Variants in ARHGAP12 observed in about 807,000 individuals in gnomAD.
ARHGAP12 encodes the protein rho GTPase-activating protein 12.
In ARHGAP12, 64 loss-of-function variants were observed where a neutral mutation model predicts 108.6. The observed-to-expected ratio is 0.59, with a 90% CI of 0.48 to 0.73. ARHGAP12 has a LOEUF of 0.73. Among genes scored for constraint, ARHGAP12 ranks in the 30% least tolerant of loss-of-function variants. ARHGAP12 has a pLI of 0.00. For missense variants in ARHGAP12, 940 were observed against 1,005.9 expected, an observed-to-expected ratio of 0.93 and a Z score of 0.89; for synonymous variants, 312 against 337.2, an observed-to-expected ratio of 0.93 and a Z score of 0.82.
chr10:31,927,885 T>C (rs563208757), intron 1 of ARHGAP12, among the ~76,000 whole-genome samples: 1 of 152,124 alleles, frequency 6.6e-6, no homozygotes, highest in Non-Finnish European at 1.5e-5. Flanking sequence ...CCAGCTCCCC[T>C]GAGATGGGAG....
chr10:31,905,835 T>C (rs1436556393), intron 3 of ARHGAP12, among the ~76,000 whole-genome samples: 1 of 140,450 alleles, frequency 7.1e-6, no homozygotes, highest in Non-Finnish European at 1.5e-5. Context: ...ATAGATCTGA[T>C]GGTGGAAATA....
chr10:31,852,241 GT>G (rs1159582739), intron 6 of ARHGAP12, among the ~76,000 whole-genome samples: 3 of 152,068 alleles, frequency 2.0e-5, no homozygotes, highest in Non-Finnish European at 4.4e-5. Flanking sequence ...GGCATTATTG[GT>G]ATTGAAGAGA....
At chr10:31,917,142 C>G (rs1839591432) in intron 1 of ARHGAP12, among the ~76,000 whole-genome samples, 2 of 151,540 alleles carry the variant, frequency 1.3e-5, no homozygotes, top group South Asian at 4.2e-4. Flanking sequence ...GGCGCGATGG[C>G]TCACACCTGT....
intron 5 of ARHGAP12, 72 bp from the exon 6 acceptor site, chr10:31,852,669 A>C (rs1836732575): frequency 2.1e-6 from 2 of 933,702 alleles, no homozygotes; most frequent in East Asian, 5.0e-5. Context: ...TATCAGAGAT[A>C]CTAGATTTAA....
intron 10 of ARHGAP12, among the ~76,000 whole-genome samples, chr10:31,828,942 A>G (rs1004275581): frequency 6.6e-6 from 1 of 152,222 alleles, no homozygotes; most frequent in Non-Finnish European, 1.5e-5. Flanking sequence ...ACCTGAGGTC[A>G]GGAGTTCAAG....
chr10:31,880,728 T>G (rs534969544), intron 3 of ARHGAP12, among the ~76,000 whole-genome samples: 80 of 152,202 alleles, frequency 5.3e-4, no homozygotes, highest in South Asian at 2.5e-3. Flanking sequence ...TCTATAAATT[T>G]TATATTCATA....
rs767250472 is a variant in ARHGAP12, at chr10:31,843,478, A to G, written c.1279T>C (p.Leu427=). 1.1e-5 allele frequency: 18 copies of G among 1,612,956 alleles called. No individual in the cohort carries two copies. Among genetic ancestry groups the G allele is most frequent in the Middle Eastern group, 1.6e-4 (1 of 6,078 alleles). The change falls in exon 7 of 20, where the codon TTG becomes CTG. Residue 427 remains leucine, a synonymous_variant. Transcript: ENST00000344936. ...LTKWRHSTIV[L]DTNDKESPTA... ...AGTCCTACCTTATCATTAGTGTCCA[A>G]TACAATGGTGCTATGTCTCCACTTT...
At chr10:31,927,639 C>G (rs1373881627) in intron 1 of ARHGAP12, among the ~76,000 whole-genome samples, 2 of 152,236 alleles carry the variant, frequency 1.3e-5, no homozygotes, top group East Asian at 1.9e-4. Context: ...ACAACAAACA[C>G]TCCACTTGGG....
rs368756181 is a variant in ARHGAP12 at position 31,806,291 on chromosome 10, T to C, written c.*1367A>G. The C allele has an allele frequency of 2.0e-5, 3 of 152,684 alleles. No homozygotes were observed. The highest frequency in any genetic ancestry group is 7.2e-5 in the African/African-American group (3 of 41,574). 9.5% of individuals were successfully genotyped at this position (152,684 alleles called of 1,614,324 possible). A position where few individuals can be genotyped will look rare whatever the true frequency, so the allele number is the denominator to read the frequency against. On this transcript the variant is annotated 3_prime_UTR_variant, in exon 20 of 20. Coordinates refer to ENST00000344936, the MANE Select transcript of ARHGAP12 (RefSeq NM_018287.7). ...AAAAAATTAGAAACCAAAATGCACATTTCCAATGGAAAAATCTCTAAACCT... is the reference window on the plus strand; with the variant it reads ...AAAAAATTAGAAACCAAAATGCACACTTCCAATGGAAAAATCTCTAAACCT...
At position 31,807,616 on chromosome 10, in the gene ARHGAP12, A is replaced by G. The variant is rs760995262; in HGVS notation, c.*42T>C. On this transcript the variant is annotated 3_prime_UTR_variant, in exon 20 of 20. Transcript: ENST00000344936. ...ATTGTGTATAAACATTTGAAATCTGATGGAATCCAGCTTCTATTCCACAGG... is the reference window on the plus strand; with the variant it reads ...ATTGTGTATAAACATTTGAAATCTGGTGGAATCCAGCTTCTATTCCACAGG... 1.3e-6 allele frequency: 2 copies of G among 1,544,080 alleles called. No individual in the cohort carries two copies. The highest frequency in any genetic ancestry group is 1.7e-6 in the Non-Finnish European group (2 of 1,144,658).
intron 1 of ARHGAP12, among the ~76,000 whole-genome samples, chr10:31,924,352 C>G (rs1839942386): frequency 6.6e-6 from 1 of 152,052 alleles, no homozygotes; most frequent in Non-Finnish European, 1.5e-5. Flanking sequence ...CAGTACAAAC[C>G]TCAAAAGATC....
At chr10:31,870,138 A>T (rs552178689) in intron 3 of ARHGAP12, among the ~76,000 whole-genome samples, 1 of 152,238 alleles carries the variant, frequency 6.6e-6, no homozygotes, top group South Asian at 2.1e-4. Flanking sequence ...TTATTTTTTT[A>T]AATCCTATTT....
intron 3 of ARHGAP12, among the ~76,000 whole-genome samples, chr10:31,872,422 T>C (rs144846877): frequency 0.019 from 2,963 of 152,234 alleles, 48 homozygotes; most frequent in Non-Finnish European, 0.029. Flanking sequence ...TACTACCCTA[T>C]AGGAGTCACT....
chr10:31,928,367 A>G (rs1156796311), intron 1 of ARHGAP12, among the ~76,000 whole-genome samples: 1 of 150,998 alleles, frequency 6.6e-6, no homozygotes, highest in Non-Finnish European at 1.5e-5. Flanking sequence ...GCCCTCACAC[A>G]GGAAGTCAGG....
intron 9 of ARHGAP12, among the ~76,000 whole-genome samples, chr10:31,838,443 A>C (rs911972050): frequency 8.6e-5 from 13 of 151,952 alleles, no homozygotes; most frequent in Non-Finnish European, 1.9e-4. Context: ...GCACTTTGGG[A>C]GGCCAAGGCA....
At chr10:31,824,433 T>A (rs1835527941) in intron 11 of ARHGAP12, among the ~76,000 whole-genome samples, 1 of 152,194 alleles carries the variant, frequency 6.6e-6, no homozygotes, top group Non-Finnish European at 1.5e-5. Context: ...TCAAATTGGC[T>A]TGCTCAGTAA....
chr10:31,923,306 G>C (rs1462308664), intron 1 of ARHGAP12, among the ~76,000 whole-genome samples: 2 of 152,134 alleles, frequency 1.3e-5, no homozygotes, highest in Non-Finnish European at 1.5e-5. Flanking sequence ...GCTAAGTCAG[G>C]TCATACCAGT....
chr10:31,924,386 C>T (rs758415593), intron 1 of ARHGAP12, among the ~76,000 whole-genome samples: 1 of 151,964 alleles, frequency 6.6e-6, no homozygotes, highest in Admixed American at 6.6e-5. Context: ...AAAGAGAAAA[C>T]ACGAAAAAAA....
At chr10:31,920,505 A>G (rs1839758057) in intron 1 of ARHGAP12, among the ~76,000 whole-genome samples, 1 of 151,892 alleles carries the variant, frequency 6.6e-6, no homozygotes, top group Non-Finnish European at 1.5e-5. Context: ...GCAGCATACA[A>G]ATGATGAACT....
Sources: allele counts gnomAD v4.1 joint callset (sites outside exome capture counted in the v4.1 genomes callset), GRCh38; gene constraint gnomAD v4.1.1; transcripts MANE v1.5; gene names NCBI Gene and HGNC (gene_info 2026-07-23, HGNC 2026-07-21).